Variants in MPPE1 observed in about 807,000 individuals in gnomAD.
MPPE1 encodes the protein metallo phosphoesterase.
A neutral mutation model predicts 43.8 loss-of-function variants in MPPE1; 28 were observed. That is an observed-to-expected ratio of 0.64 (90% CI 0.47 to 0.88). MPPE1 has a LOEUF of 0.88. Ranked by LOEUF, MPPE1 falls within the 40% of genes least tolerant of loss-of-function variation. MPPE1 has a pLI of 0.00. For synonymous variants in MPPE1, 159 were observed against 188.5 expected (o/e 0.84, Z 1.28); for missense variants, 428 against 492.2 (o/e 0.87, Z 1.23).
At position 11,884,337 on chromosome 18, in the gene MPPE1, G is replaced by T. The variant is rs1598462974; in HGVS notation, c.*108C>A. ...TTCAGTGATTGAGAATTTCTGTGCT[G>T]TGCAGAGAGACGGCCTGTAATTGGT... On this transcript the variant is annotated 3_prime_UTR_variant, in exon 11 of 11. Transcript: ENST00000588072. 8.8e-6 allele frequency: 9 copies of T among 1,026,064 alleles called. No individual in the cohort carries two copies. The East Asian group carries it at 1.7e-4, about 19-fold the overall frequency. 63.6% of individuals were successfully genotyped at this position (1,026,064 alleles called of 1,614,324 possible). A position where few individuals can be genotyped will look rare whatever the true frequency, so the allele number is the denominator to read the frequency against.
At chr18:11,884,736 G>A (rs1209547715) in intron 10 of MPPE1, 109 bp from the exon 11 acceptor site, 3 of 1,347,250 alleles carry the variant, frequency 2.2e-6, no homozygotes, top group Non-Finnish European at 3.0e-6. Context: ...CCTCAGGTGA[G>A]GCAGGGAACG....
chr18:11,884,491 G>C lies in MPPE1; in HGVS notation c.1145C>G (p.Pro382Arg). Residue 382 changes from proline (P) to arginine (R), a missense_variant, in exon 11 of 11, where the codon CCT becomes CGT. Transcript: ENST00000588072. ...GAGCAAGTTCAAACCAGAAAGAAAAGGTGAGGCTAGAAGCCCAAAGTGAGT... is the reference window on the plus strand; with the variant it reads ...GAGCAAGTTCAAACCAGAAAGAAAACGTGAGGCTAGAAGCCCAAAGTGAGT... ...TLTHFGLLAS[P>R]FLSGLNLLGK... is the part of the protein sequence containing the mutation. The C allele has an allele frequency of 6.2e-7, 1 of 1,614,124 alleles. No homozygotes were observed. The highest frequency in any genetic ancestry group is 8.5e-7 in the Non-Finnish European group (1 of 1,180,020).
chr18:11,895,064 G>A (rs1251642488), intron 3 of MPPE1: 1 of 152,178 alleles, frequency 6.6e-6, no homozygotes, highest in East Asian at 1.9e-4. Context: ...TTTTTCTAAG[G>A]AATCCAAACC....
In MPPE1 at chr18:11,893,450, TG is replaced by T. The variant is rs1246923795; in HGVS notation, c.390+17del. 1 of 1,580,632 alleles carries T rather than the reference TG, an allele frequency of 6.3e-7. No individual in the cohort carries two copies. The highest frequency in any genetic ancestry group is 8.7e-7 in the Non-Finnish European group (1 of 1,151,162). On this transcript the variant is annotated intron_variant, in intron 4 of 10. Coordinates refer to ENST00000588072, the MANE Select transcript of MPPE1 (RefSeq NM_023075.6). ...GACCTCACAGCAGGATGAGGGCACC[TG>T]GAACACAGAGTCCTACCTCAGGGGT...
rs947470775 is a variant in MPPE1, at chr18:11,884,210, A to G, written c.*235T>C. 6 of 506,130 alleles carry G rather than the reference A, an allele frequency of 1.2e-5. No homozygotes were observed. The highest frequency in any genetic ancestry group is 2.4e-5 in the South Asian group (1 of 41,556). The allele number at this position is 506,130 out of a possible 1,614,324, so 31.4% of individuals were successfully genotyped here. Reference sequence around the variant, plus strand: ...GTACAGATGCAACCTTTGATGATACATATATTTGATAAAAATGAGAAAACA... The same window carrying G: ...GTACAGATGCAACCTTTGATGATACGTATATTTGATAAAAATGAGAAAACA... On this transcript the variant is annotated 3_prime_UTR_variant, in exon 11 of 11. Coordinates refer to ENST00000588072, the MANE Select transcript of MPPE1 (RefSeq NM_023075.6).
At chr18:11,893,281 T>C in intron 4 of MPPE1, 187 bp downstream of exon 4, 1 of 555,520 alleles carries the variant, frequency 1.8e-6, no homozygotes. Context: ...GATTGAGTTG[T>C]TCTAATAATC....
At position 11,886,657 on chromosome 18, in the gene MPPE1, C is replaced by T. The variant is rs768429283; in HGVS notation, c.745-36G>A. 4.3e-6 allele frequency: 7 copies of T among 1,614,090 alleles called. No individual in the cohort carries two copies. The highest frequency in any genetic ancestry group is 2.7e-5 in the African/African-American group (2 of 75,046). On this transcript the variant is annotated intron_variant, in intron 8 of 10. Transcript: ENST00000588072. This position sits in a 1 kb window ranked among gnomAD's most constrained non-coding sequence, Gnocchi z 4.1. ...TGGAGAGAGGAGTTCAGGCGGCTAT[C>T]GTGAAACCACAGGCTGCCTGCTGTC...
Position 11,886,494 on chromosome 18 carries a change from C to T in MPPE1, c.867+5G>A. The T allele has an allele frequency of 6.2e-7, 1 of 1,614,180 alleles. No individual in the cohort carries two copies. Among genetic ancestry groups the T allele is most frequent in the Non-Finnish European group, 8.5e-7 (1 of 1,180,036 alleles). ...ATGAATTAGCATCACGACACCCTGG[C>T]AAACCTTTTGTGATGCCTCCCGTGA... On this transcript the variant is annotated splice_donor_5th_base_variant and intron_variant, in intron 9 of 10. Coordinates refer to ENST00000588072, the MANE Select transcript of MPPE1 (RefSeq NM_023075.6). The surrounding 1 kb of genome is among the most constrained non-coding windows in gnomAD (Gnocchi z 4.1).
chr18:11,906,835 C>T (rs964314033), intron 1 of MPPE1, among the ~76,000 whole-genome samples: 6 of 123,314 alleles, frequency 4.9e-5, no homozygotes, highest in Non-Finnish European at 9.7e-5. Flanking sequence ...GCCTGGGCAA[C>T]AAGAGCGAAA....
In MPPE1 at chr18:11,885,579, T is replaced by A. The variant is rs901762133; in HGVS notation, c.1008+97A>T. On this transcript the variant is annotated intron_variant, in intron 10 of 10. Coordinates refer to ENST00000588072, the MANE Select transcript of MPPE1 (RefSeq NM_023075.6). ...AGGAGAGAAATTTGTGTGTGGCTTT[T>A]GTAAATTTTGACCGATTGCAGCAAT... 6.2e-6 allele frequency: 9 copies of A among 1,446,010 alleles called. No homozygotes were observed. The African/African-American group carries it at 1.3e-4, about 20-fold the overall frequency. 89.6% of individuals were successfully genotyped at this position (1,446,010 alleles called of 1,614,324 possible).
intron 6 of MPPE1, 87 bp from the exon 7 acceptor site, chr18:11,887,112 T>C (rs1190699645): frequency 2.1e-6 from 2 of 951,116 alleles, no homozygotes; most frequent in African/African-American, 1.6e-5. Flanking sequence ...AAGCTAAGCA[T>C]CCAGTGCAAA....
intron 1 of MPPE1, chr18:11,907,869 T>G (rs1012584857): frequency 1.3e-5 from 2 of 152,070 alleles, no homozygotes; most frequent in Admixed American, 1.3e-4. Context: ...CCCCAAAATA[T>G]GAAAAAAATA....
intron 2 of MPPE1, chr18:11,905,843 G>A (rs1172545060): frequency 6.6e-6 from 1 of 152,178 alleles, no homozygotes; most frequent in Non-Finnish European, 1.5e-5. Flanking sequence ...CAGCAGAGAG[G>A]GCAGCTATGC....
rs2036760496 is a variant in MPPE1, at chr18:11,883,228, C to CAGTGGCATGGGG, written c.*1216_*1217insCCCCATGCCACT. The stretch of plus-strand genomic sequence containing the variant: ...TCTCATCACCGTCTTACTGCCTCCC[C>CAGTGGCATGGGG]ATCCACTGTCTCATAAAGCCCTCAG... On this transcript the variant is annotated 3_prime_UTR_variant, in exon 11 of 11. Transcript: ENST00000588072. The CAGTGGCATGGGG allele has an allele frequency of 6.6e-6, 1 of 152,180 alleles. No individual in the cohort carries two copies. Among genetic ancestry groups the CAGTGGCATGGGG allele is most frequent in the Non-Finnish European group, 1.5e-5 (1 of 68,024 alleles). The allele number at this position is 152,180 out of a possible 1,614,324, so 9.4% of individuals were successfully genotyped here. A position where few individuals can be genotyped will look rare whatever the true frequency, so the allele number is the denominator to read the frequency against.
intron 2 of MPPE1, among the ~76,000 whole-genome samples, chr18:11,899,205 G>A (rs540548066): frequency 2.6e-5 from 4 of 152,204 alleles, no homozygotes; most frequent in East Asian, 1.9e-4. Context: ...ATGAGCCACC[G>A]TGCCCAGCCC....
At chr18:11,887,540 A>AG (rs1182066385) in intron 6 of MPPE1, among the ~76,000 whole-genome samples, 1 of 152,224 alleles carries the variant, frequency 6.6e-6, no homozygotes, top group Non-Finnish European at 1.5e-5. Context: ...AGTAAGGCAG[A>AG]GGGTAGGGTG....
chr18:11,886,671 C>A lies in MPPE1; in HGVS notation c.744+42G>T, dbSNP rs2037309917. 1.2e-6 allele frequency: 2 copies of A among 1,613,930 alleles called. No individual in the cohort carries two copies. Among genetic ancestry groups the A allele is most frequent in the Admixed American group, 3.3e-5 (2 of 59,994 alleles). ...CAGGCGGCTATCGTGAAACCACAGG[C>A]TGCCTGCTGTCTGCCATGAGCCCTT... On this transcript the variant is annotated intron_variant, in intron 8 of 10. Coordinates refer to ENST00000588072, the MANE Select transcript of MPPE1 (RefSeq NM_023075.6). This position sits in a 1 kb window ranked among gnomAD's most constrained non-coding sequence, Gnocchi z 4.1.
intron 4 of MPPE1, 196 bp downstream of exon 4, chr18:11,893,272 A>G: frequency 1.9e-6 from 1 of 536,350 alleles, no homozygotes; most frequent in Non-Finnish European, 3.3e-6. Flanking sequence ...CTAACTCAAG[A>G]TTGAGTTGTT....
chr18:11,885,426 C>G (rs2037056343), intron 10 of MPPE1: 2 of 512,608 alleles, frequency 3.9e-6, no homozygotes, highest in South Asian at 4.8e-5. Flanking sequence ...TACGGCCCTC[C>G]CTGAAGGATA....
Sources: allele counts gnomAD v4.1 joint callset (sites outside exome capture counted in the v4.1 genomes callset), GRCh38; gene constraint gnomAD v4.1.1; non-coding constraint Gnocchi (gnomAD v3.1); transcripts MANE v1.5; gene names NCBI Gene and HGNC (gene_info 2026-07-23, HGNC 2026-07-21).